MTOR: variants seen among roughly 807,000 people sequenced by gnomAD.
MTOR encodes the protein serine/threonine-protein kinase mTOR.
Under a neutral mutation model 319.8 loss-of-function variants are expected in MTOR, and 70 were observed. That is an observed-to-expected ratio of 0.22 (90% CI 0.18 to 0.27). The LOEUF is 0.27. Among genes scored for constraint, MTOR ranks in the 10% least tolerant of loss-of-function variants. MTOR has a pLI of 1.00. For missense variants in MTOR, 1,890 were observed against 3,274.4 expected, an observed-to-expected ratio of 0.58 and a Z score of 10.32; for synonymous variants, 1,183 against 1,211.4, an observed-to-expected ratio of 0.98 and a Z score of 0.49.
intron 31 of MTOR, among the ~76,000 whole-genome samples, chr1:11,148,928 GTA>G (rs59193696): frequency 8.9e-5 from 13 of 146,526 alleles, no homozygotes; most frequent in East Asian, 4.0e-4. Context: ...GTGTGTGTGT[GTA>G]TATATATATA....
At position 11,121,259 on chromosome 1, in the gene MTOR, C is replaced by T. The variant is rs1642510024; in HGVS notation, c.6920G>A (p.Ser2307Asn). 1 of 1,613,462 alleles carries T rather than the reference C, an allele frequency of 6.2e-7. No homozygotes were observed. The highest frequency in any genetic ancestry group is 1.3e-5 in the African/African-American group (1 of 74,928). The change falls in exon 49 of 58, where the codon AGC (serine) becomes AAC (asparagine). Residue 2307 changes from serine (S) to asparagine (N), a missense_variant. Ser to Asn is a conservative substitution (Grantham distance 46, BLOSUM62 1). Around this residue, in one of 15 missense-constraint regions of MTOR, gnomAD observed 249 missense variants for 596.2 expected, o/e 0.42. Coordinates refer to ENST00000361445, the MANE Select transcript of MTOR (RefSeq NM_004958.4). The surrounding 1 kb of genome is among the most constrained non-coding windows in gnomAD (Gnocchi z 4.9). ...DDLAKLLWLKSPSSEVWFDRR... is the reference protein window; with the variant it reads ...DDLAKLLWLKNPSSEVWFDRR... ...CCAGTGGCCTACCTCGGAGCTGGGG[C>T]TTTTCAGCCACAGCAGCTTGGCCAG... is the stretch of plus-strand genomic sequence containing the variant.
intron 6 of MTOR, 72 bp downstream of exon 6, chr1:11,253,767 T>G (rs990963609): frequency 1.3e-6 from 2 of 1,561,452 alleles, no homozygotes; most frequent in African/African-American, 1.4e-5. Flanking sequence ...CATGAGGACA[T>G]GGATCTCGCC....
In MTOR at chr1:11,154,848, T is replaced by TA. The variant is rs71568315; in HGVS notation, c.4469+2303dup. On this transcript the variant is annotated intron_variant, in intron 30 of 57. Coordinates refer to ENST00000361445, the MANE Select transcript of MTOR (RefSeq NM_004958.4). ...AGAGACAGATTAAAGTCCTGCCTCTTAAAAAAAAAAAAGAAGGCTGTGCAC... is the reference window on the plus strand; with the variant it reads ...AGAGACAGATTAAAGTCCTGCCTCTTAAAAAAAAAAAAAGAAGGCTGTGCAC... 1.2e-3 allele frequency among the ~76,000 whole-genome samples: 172 copies of TA among 144,022 alleles called. 1 individual carries two copies. The highest frequency in any genetic ancestry group is 3.6e-3 in the Middle Eastern group (1 of 274). 94.5% of individuals were successfully genotyped at this position (144,022 alleles called of 152,430 possible). A position where few individuals can be genotyped will look rare whatever the true frequency, so the allele number is the denominator to read the frequency against.
At chr1:11,261,193 A>T (rs1008081324) in intron 1 of MTOR, among the ~76,000 whole-genome samples, 1 of 151,864 alleles carries the variant, frequency 6.6e-6, no homozygotes, top group East Asian at 1.9e-4. Context: ...AATGTAAGCT[A>T]AAAGAAAGTA....
rs1332876525 is a variant in MTOR, at chr1:11,107,151, C to A, written c.*334G>T. On this transcript the variant is annotated 3_prime_UTR_variant, in exon 58 of 58. Transcript: ENST00000361445. ...TAGGTCATTCTTCCATCAGCAAGTACTTATGATGAGTTCTCTTGTGAGTTA... is the reference window on the plus strand; with the variant it reads ...TAGGTCATTCTTCCATCAGCAAGTAATTATGATGAGTTCTCTTGTGAGTTA... 2.9e-6 allele frequency: 4 copies of A among 1,385,386 alleles called. No individual in the cohort carries two copies. Among genetic ancestry groups the A allele is most frequent in the South Asian group, 1.2e-5 (1 of 81,312 alleles). The allele number at this position is 1,385,386 out of a possible 1,614,324, so 85.8% of individuals were successfully genotyped here. A position where few individuals can be genotyped will look rare whatever the true frequency, so the allele number is the denominator to read the frequency against.
At chr1:11,134,794 A>G (rs1209636800) in intron 36 of MTOR, among the ~76,000 whole-genome samples, 2 of 152,222 alleles carry the variant, frequency 1.3e-5, no homozygotes, top group African/African-American at 4.8e-5. Context: ...TGCTTACTTC[A>G]CTATCAATAT....
intron 28 of MTOR, among the ~76,000 whole-genome samples, chr1:11,174,082 T>G (rs1171305484): frequency 6.6e-6 from 1 of 152,236 alleles, no homozygotes; most frequent in Non-Finnish European, 1.5e-5. Context: ...GCTATTGCCT[T>G]CCCTTAAAAG....
chr1:11,172,862 CAAA>C (rs35521014), intron 28 of MTOR, among the ~76,000 whole-genome samples: 3 of 133,826 alleles, frequency 2.2e-5, no homozygotes, highest in African/African-American at 2.8e-5. Context: ...GACTCTGTCT[CAAA>C]AAAAAAAAAA....
At chr1:11,181,438 C>G (rs992768145) in intron 28 of MTOR, among the ~76,000 whole-genome samples, 1 of 152,024 alleles carries the variant, frequency 6.6e-6, no homozygotes, top group African/African-American at 2.4e-5. Flanking sequence ...GGCAAGAGAA[C>G]TGCTTGAATC....
intron 19 of MTOR, among the ~76,000 whole-genome samples, chr1:11,225,134 G>T (rs572916252): frequency 6.6e-6 from 1 of 152,122 alleles, no homozygotes; most frequent in Non-Finnish European, 1.5e-5. Context: ...AGTGATAACT[G>T]CATAACTCTG....
In MTOR at chr1:11,212,849, C is replaced by T; in HGVS notation, c.3345G>A (p.Leu1115=). ...CATCAAACAACTTAACAATAGGAGG[C>T]AGCAGTAAATGCAGGTAGTCATCCA... ...ANLDDYLHLL[L]PPIVKLFDAP... The change falls in exon 22 of 58, where the codon CTG becomes CTA. Residue 1115 remains leucine (L), a synonymous_variant. Coordinates refer to ENST00000361445, the MANE Select transcript of MTOR (RefSeq NM_004958.4). The surrounding 1 kb of genome is among the most constrained non-coding windows in gnomAD (Gnocchi z 4.1). 2 of 1,614,128 alleles carry T rather than the reference C, an allele frequency of 1.2e-6. No homozygotes were observed. Among genetic ancestry groups the T allele is most frequent in the Non-Finnish European group, 1.7e-6 (2 of 1,179,994 alleles).
chr1:11,222,793 A>G (rs1646712033), intron 19 of MTOR, among the ~76,000 whole-genome samples: 1 of 152,154 alleles, frequency 6.6e-6, no homozygotes, highest in Non-Finnish European at 1.5e-5. Flanking sequence ...TAAGTAAGAA[A>G]ATCACCATTT....
rs2100305158 is a variant in MTOR, at chr1:11,112,907, T to TTTG, written c.7308_7310dup (p.Thr2436_Lys2437insAsn). ...TCCTCGTTCGGGATCGCTTGTTGCC[T>TTTG]TTGGTATTTGCTAGGGAGAGAAATA... On this transcript the variant is annotated inframe_insertion, in exon 54 of 58. Transcript: ENST00000361445. 9.3e-6 allele frequency: 15 copies of TTTG among 1,614,184 alleles called. No individual in the cohort carries two copies. The highest frequency in any genetic ancestry group is 1.3e-5 in the Non-Finnish European group (15 of 1,180,012).
chr1:11,234,092 T>C, intron 14 of MTOR, 51 bp downstream of exon 14: 1 of 1,613,006 alleles, frequency 6.2e-7, no homozygotes, highest in Non-Finnish European at 8.5e-7. Flanking sequence ...TCTCCCCATA[T>C]GAGCTGATGA....
rs1229016163 is a variant in MTOR at position 11,234,158 on chromosome 1, C to T, written c.2316G>A (p.Met772Ile). 1 of 1,614,028 alleles carries T rather than the reference C, an allele frequency of 6.2e-7. No individual in the cohort carries two copies. Among genetic ancestry groups the T allele is most frequent in the East Asian group, 2.2e-5 (1 of 44,894 alleles). The change falls in exon 14 of 58, where the codon ATG (methionine) becomes ATA (isoleucine). Residue 772 changes from methionine to isoleucine, a missense_variant. Coordinates refer to ENST00000361445, the MANE Select transcript of MTOR (RefSeq NM_004958.4). ...SNAPRLIRPY[M>I]EPILKALILK... The stretch of plus-strand genomic sequence containing the variant: ...TTTGTGTTACCTTCAGAATAGGCTC[C>T]ATGTAGGGGCGGATGAGTCGGGGGG...
chr1:11,250,070 G>C (rs1435414921), intron 6 of MTOR, among the ~76,000 whole-genome samples: 3 of 137,974 alleles, frequency 2.2e-5, no homozygotes, highest in African/African-American at 8.0e-5. Context: ...CCTCCCTCCC[G>C]GACGGGGCGG....
chr1:11,194,937 G>GA (rs1645724182), intron 28 of MTOR: 1 of 1,614,108 alleles, frequency 6.2e-7, no homozygotes, highest in East Asian at 2.2e-5. Flanking sequence ...GCACCTGGAT[G>GA]GCATCACCTG....
chr1:11,202,127 C>T (rs946964004), intron 26 of MTOR, among the ~76,000 whole-genome samples: 9 of 152,114 alleles, frequency 5.9e-5, no homozygotes, highest in Non-Finnish European at 1.2e-4. Context: ...TTTTAAATGG[C>T]TGTTTAAGAT....
chr1:11,174,330 T>C (rs983661854), intron 28 of MTOR, among the ~76,000 whole-genome samples: 3 of 152,198 alleles, frequency 2.0e-5, no homozygotes, highest in East Asian at 1.9e-4. Context: ...CTAGAACTCA[T>C]TGTGCAGGAG....
Sources: allele counts gnomAD v4.1 joint callset (sites outside exome capture counted in the v4.1 genomes callset), GRCh38; gene constraint gnomAD v4.1.1; regional missense constraint gnomAD v4.1.1; non-coding constraint Gnocchi (gnomAD v3.1); transcripts MANE v1.5; gene names NCBI Gene and HGNC (gene_info 2026-07-23, HGNC 2026-07-21).